The following TSGA10IP variants were observed in gnomAD, a reference collection of about 807,000 sequenced individuals.
TSGA10IP encodes the protein testis specific 10 interacting protein, also known as testis-specific protein 10-interacting protein.
A neutral mutation model predicts 63.2 loss-of-function variants in TSGA10IP; 64 were observed. The observed-to-expected ratio is 1.01, with a 90% CI of 0.83 to 1.25. The LOEUF (loss-of-function observed/expected upper bound fraction) is 1.25. Ranked by LOEUF, TSGA10IP falls within the 50% of genes most tolerant of loss-of-function variation. The pLI, the probability that TSGA10IP is intolerant of heterozygous loss-of-function variation, is 0.00. For synonymous variants in TSGA10IP, 316 were observed against 298.3 expected (o/e 1.06, Z -0.61); for missense variants, 681 against 710.1 (o/e 0.96, Z 0.47).
At chr11:65,953,871 G>T in intron 5 of TSGA10IP, 134 bp downstream of exon 5, 1 of 677,922 alleles carries the variant, frequency 1.5e-6, no homozygotes, top group Non-Finnish European at 2.2e-6. Flanking sequence ...CGCGTTTCCA[G>T]ATAAGGACGC....
exon 2 of TSGA10IP, chr11:65,947,008 G>T (rs1277142221): frequency 1.9e-6 from 3 of 1,613,980 alleles, no homozygotes; most frequent in Non-Finnish European, 2.5e-6. Context: ...GCTCTGAAGA[G>T]TCTGAAGAGT....
intron 4 of TSGA10IP, among the ~76,000 whole-genome samples, chr11:65,949,520 G>A (rs917503739): frequency 7.3e-5 from 11 of 151,316 alleles, no homozygotes; most frequent in African/African-American, 2.7e-4. Flanking sequence ...AGGTTCAAGT[G>A]ATTCTCCTGC....
rs77936996 is a variant in TSGA10IP, at chr11:65,948,160, G to C, written c.1151+12G>C. 6,477 of 1,599,818 alleles carry C rather than the reference G, an allele frequency of 4.0e-3. 228 individuals carry two copies. In the African/African-American group the frequency reaches 0.077, roughly 19 times the overall value. On this transcript the variant is annotated intron_variant, in intron 4 of 7. Coordinates refer to ENST00000532620, the Ensembl canonical transcript of TSGA10IP. ...CAGGAAGCCACCAGGTAAGAGGGAA[G>C]AGAAGGGAGTGGGAGCCCAGAATGA... is the stretch of plus-strand genomic sequence containing the variant.
At chr11:65,946,898 G>A in exon 2 of TSGA10IP, 1 of 1,613,890 alleles carries the variant, frequency 6.2e-7, no homozygotes, top group Non-Finnish European at 8.5e-7. Flanking sequence ...GGGGAGTGGT[G>A]ATGGTGTGCC....
chr11:65,948,819 T>TA (rs1022755655), intron 4 of TSGA10IP, among the ~76,000 whole-genome samples: 8 of 150,692 alleles, frequency 5.3e-5, no homozygotes, highest in African/African-American at 2.0e-4. Context: ...ACTGAAAATA[T>TA]AAAAAATTAT....
chr11:65,951,239 A>G (rs1168617264), intron 4 of TSGA10IP, among the ~76,000 whole-genome samples: 6 of 152,136 alleles, frequency 3.9e-5, no homozygotes, highest in Non-Finnish European at 8.8e-5. Flanking sequence ...GCTGGATCAC[A>G]TAGTAGTTCT....
At chr11:65,953,431 C>T in intron 4 of TSGA10IP, 136 bp from the exon 5 acceptor site, 2 of 1,228,916 alleles carry the variant, frequency 1.6e-6, no homozygotes, top group South Asian at 4.0e-5. Context: ...CATGACAAAC[C>T]CTACTCCCAG....
rs1407099309 is a variant in TSGA10IP at position 65,945,662 on chromosome 11, G to GGGGATGGGGC, written c.-13_-4dup. 1 of 1,612,602 alleles carries GGGGATGGGGC rather than the reference G, an allele frequency of 6.2e-7. No homozygotes were observed. The highest frequency in any genetic ancestry group is 1.3e-5 in the African/African-American group (1 of 75,038). Reference sequence around the variant, plus strand: ...GTTAGGCAGTTCTACGGTGCGGATGGGGGATGGGGCAGGATGGGGCAGGAC... The same window carrying GGGGATGGGGC: ...GTTAGGCAGTTCTACGGTGCGGATGGGGGATGGGGCGGGATGGGGCAGGATGGGGCAGGAC... On this transcript the variant is annotated 5_prime_UTR_variant, in exon 1 of 8. It adds an upstream start codon to the 5' untranslated region. Transcript: ENST00000532620.
In TSGA10IP at chr11:65,948,157, G is replaced by C. The variant is rs944183664; in HGVS notation, c.1151+9G>C. On this transcript the variant is annotated intron_variant, in intron 4 of 7. Coordinates refer to ENST00000532620, the Ensembl canonical transcript of TSGA10IP. ...CGACAGGAAGCCACCAGGTAAGAGG[G>C]AAGAGAAGGGAGTGGGAGCCCAGAA... The C allele has an allele frequency of 1.9e-6, 3 of 1,599,710 alleles. No homozygotes were observed. The highest frequency in any genetic ancestry group is 2.6e-6 in the Non-Finnish European group (3 of 1,173,470).
Position 65,945,659 on chromosome 11 carries a change from A to G in TSGA10IP, c.-17A>G, listed in dbSNP as rs763680634. ...CCTGTTAGGCAGTTCTACGGTGCGG[A>G]TGGGGGATGGGGCAGGATGGGGCAG... On this transcript the variant is annotated 5_prime_UTR_variant, in exon 1 of 8. The change abolishes an upstream ATG in the 5' untranslated region. Coordinates refer to ENST00000532620, the Ensembl canonical transcript of TSGA10IP. The G allele has an allele frequency of 6.2e-6, 10 of 1,611,614 alleles. No individual in the cohort carries two copies. The highest frequency in any genetic ancestry group is 2.2e-5 in the East Asian group (1 of 44,882).
At chr11:65,953,099 C>T (rs967266904) in intron 4 of TSGA10IP, among the ~76,000 whole-genome samples, 5 of 144,834 alleles carry the variant, frequency 3.5e-5, no homozygotes, top group East Asian at 2.0e-4. Flanking sequence ...GGCGTGGTCT[C>T]GGCTCACTAC....
At chr11:65,953,863 C>A in intron 5 of TSGA10IP, 126 bp downstream of exon 5, 1 of 748,284 alleles carries the variant, frequency 1.3e-6, no homozygotes. Context: ...CACTTCACCG[C>A]GTTTCCAGAT....
intron 5 of TSGA10IP, among the ~76,000 whole-genome samples, chr11:65,955,545 G>A (rs1177819146): frequency 2.0e-5 from 3 of 151,912 alleles, no homozygotes; most frequent in Non-Finnish European, 4.4e-5. Flanking sequence ...CCCGGGAGGC[G>A]GAGGTTGCAG....
chr11:65,958,164 C>T (rs527883469), intron 5 of TSGA10IP, among the ~76,000 whole-genome samples: 1 of 152,282 alleles, frequency 6.6e-6, no homozygotes, highest in South Asian at 2.1e-4. Context: ...AGTCTGGTCT[C>T]AAACTCTTGG....
chr11:65,947,629 G>A (rs758401261), exon 3 of TSGA10IP: 2 of 1,613,528 alleles, frequency 1.2e-6, no homozygotes, highest in Non-Finnish European at 1.7e-6. Context: ...GCAGAAGGAG[G>A]GCTGGTTGTC....
At chr11:65,953,810 A>G (rs1854984528) in intron 5 of TSGA10IP, 73 bp downstream of exon 5, 1 of 1,256,958 alleles carries the variant, frequency 8.0e-7, no homozygotes, top group Non-Finnish European at 1.0e-6. Context: ...AGTCTACAGG[A>G]CCGAGGAGCA....
chr11:65,953,569 G>A, exon 5 of TSGA10IP: 1 of 1,580,786 alleles, frequency 6.3e-7, no homozygotes, highest in Non-Finnish European at 8.6e-7. Flanking sequence ...CACCCAAGGA[G>A]CCTGCTGCAG....
intron 5 of TSGA10IP, among the ~76,000 whole-genome samples, chr11:65,955,724 T>C (rs777259335): frequency 1.3e-5 from 2 of 152,096 alleles, no homozygotes; most frequent in South Asian, 4.2e-4. Flanking sequence ...TACGGCCCGC[T>C]CACCTTACTA....
exon 3 of TSGA10IP, chr11:65,947,153 T>C: frequency 1.2e-6 from 2 of 1,611,644 alleles, no homozygotes; most frequent in South Asian, 1.1e-5. Flanking sequence ...CCCCTTCCAG[T>C]GGGCCTGGGA....
Sources: allele counts gnomAD v4.1 joint callset (sites outside exome capture counted in the v4.1 genomes callset), GRCh38; gene constraint gnomAD v4.1.1; transcripts MANE v1.5; gene names NCBI Gene and HGNC (gene_info 2026-07-23, HGNC 2026-07-21).